CLDN10: variants seen among roughly 807,000 people sequenced by gnomAD.
The protein encoded by CLDN10 is claudin-10.
In CLDN10, 15 loss-of-function variants were observed where a neutral mutation model predicts 22.9. The observed-to-expected ratio is 0.65, with a 90% CI of 0.44 to 1.01. The LOEUF (loss-of-function observed/expected upper bound fraction) is 1.01. Ranked by LOEUF, CLDN10 falls within the 50% of genes least tolerant of loss-of-function variation. CLDN10 has a pLI of 0.00. For synonymous variants in CLDN10, 114 were observed against 111.4 expected, an observed-to-expected ratio of 1.02 and a Z score of -0.15; for missense variants, 247 against 287.8, an observed-to-expected ratio of 0.86 and a Z score of 1.03.
At chr13:95,463,901 C>T (rs570429935) in intron 1 of CLDN10, among the ~76,000 whole-genome samples, 1 of 152,040 alleles carries the variant, frequency 6.6e-6, no homozygotes, top group Non-Finnish European at 1.5e-5. Flanking sequence ...AAATACACAG[C>T]TGCTGAAATT....
intron 1 of CLDN10, among the ~76,000 whole-genome samples, chr13:95,506,939 T>C (rs1226761896): frequency 1.3e-5 from 2 of 152,076 alleles, no homozygotes; most frequent in South Asian, 2.1e-4. Flanking sequence ...CCACGAGGAA[T>C]TGGGGCCGGG....
At chr13:95,572,485 A>G (rs1253451774) in intron 3 of CLDN10, among the ~76,000 whole-genome samples, 1 of 152,100 alleles carries the variant, frequency 6.6e-6, no homozygotes, top group African/African-American at 2.4e-5. Context: ...AGTAATACCT[A>G]TCTCCCAGGC....
chr13:95,546,990 G>A (rs1056295278), intron 1 of CLDN10, among the ~76,000 whole-genome samples: 1 of 150,284 alleles, frequency 6.7e-6, no homozygotes, highest in Non-Finnish European at 1.5e-5. Flanking sequence ...AGGCAGGCTG[G>A]TCTTGAACTC....
chr13:95,576,057 G>A (rs534257907), intron 3 of CLDN10, among the ~76,000 whole-genome samples: 1 of 152,270 alleles, frequency 6.6e-6, no homozygotes, highest in African/African-American at 2.4e-5. Flanking sequence ...CAGAAAGCCT[G>A]CCCATGTGCA....
chr13:95,537,350 A>G (rs368846388), intron 1 of CLDN10, among the ~76,000 whole-genome samples: 81 of 152,280 alleles, frequency 5.3e-4, no homozygotes, highest in African/African-American at 1.7e-3. Flanking sequence ...AATACCCAGT[A>G]TGCACGGCTC....
intron 1 of CLDN10, among the ~76,000 whole-genome samples, chr13:95,505,957 C>A (rs144605576): frequency 0.016 from 2,483 of 152,210 alleles, 65 homozygotes; most frequent in African/African-American, 0.056. Context: ...CCAGGCTGGT[C>A]TTGAACTCCT....
At chr13:95,514,386 C>T (rs1379573193) in intron 1 of CLDN10, among the ~76,000 whole-genome samples, 1 of 151,914 alleles carries the variant, frequency 6.6e-6, no homozygotes, top group African/African-American at 2.4e-5. Context: ...GGGATTCCCC[C>T]ACCTACCCCA....
chr13:95,577,163 A>C, intron 3 of CLDN10, 68 bp from the exon 4 acceptor site: 2 of 977,260 alleles, frequency 2.0e-6, no homozygotes, highest in East Asian at 4.8e-5. Context: ...AATGTTGACT[A>C]TCAGTGTTAA....
chr13:95,454,324 T>C (rs1594529570), intron 1 of CLDN10, among the ~76,000 whole-genome samples: 1 of 152,086 alleles, frequency 6.6e-6, no homozygotes, highest in Non-Finnish European at 1.5e-5. Flanking sequence ...GCCTGTAATC[T>C]CAGCTACTTG....
intron 1 of CLDN10, among the ~76,000 whole-genome samples, chr13:95,543,380 C>T (rs1035222759): frequency 1.3e-5 from 2 of 152,108 alleles, no homozygotes; most frequent in East Asian, 3.9e-4. Flanking sequence ...TAGGGCTTAG[C>T]TTGATTTTCC....
chr13:95,511,411 T>G (rs887674215), intron 1 of CLDN10, among the ~76,000 whole-genome samples: 2 of 151,820 alleles, frequency 1.3e-5, no homozygotes, highest in Non-Finnish European at 2.9e-5. Context: ...AAGGAAGACT[T>G]TCAAACCTAT....
chr13:95,575,269 G>T (rs537877408), intron 3 of CLDN10, among the ~76,000 whole-genome samples: 1 of 152,332 alleles, frequency 6.6e-6, no homozygotes, highest in Admixed American at 6.5e-5. Context: ...TGTACTTCAT[G>T]CAGAATTTTT....
intron 1 of CLDN10, among the ~76,000 whole-genome samples, chr13:95,473,840 G>A (rs1450273484): frequency 6.6e-6 from 1 of 152,208 alleles, no homozygotes; most frequent in Admixed American, 6.5e-5. Context: ...CCGCCAGGCT[G>A]TTAAGCTTCG....
At chr13:95,521,809 A>G (rs2043226708) in intron 1 of CLDN10, among the ~76,000 whole-genome samples, 1 of 152,078 alleles carries the variant, frequency 6.6e-6, no homozygotes, top group African/African-American at 2.4e-5. Flanking sequence ...TTTTTAATGG[A>G]AAAGATTTAA....
intron 1 of CLDN10, among the ~76,000 whole-genome samples, chr13:95,529,108 T>C (rs537543168): frequency 6.7e-6 from 1 of 150,086 alleles, no homozygotes; most frequent in African/African-American, 2.4e-5. Context: ...ATGTCTAGTA[T>C]TTTTTTTTTA....
intron 1 of CLDN10, among the ~76,000 whole-genome samples, chr13:95,517,693 T>C (rs1015105973): frequency 6.6e-6 from 1 of 152,044 alleles, no homozygotes; most frequent in African/African-American, 2.4e-5. Flanking sequence ...CCCAGCACTT[T>C]GGGAGGCTGA....
intron 1 of CLDN10, among the ~76,000 whole-genome samples, chr13:95,480,206 TA>T (rs1423612901): frequency 2.6e-5 from 4 of 152,084 alleles, no homozygotes; most frequent in African/African-American, 4.8e-5. Flanking sequence ...ATGATTCAAT[TA>T]CCTCCCACCG....
intron 1 of CLDN10, among the ~76,000 whole-genome samples, chr13:95,487,800 G>A (rs901582262): frequency 6.6e-5 from 10 of 150,800 alleles, no homozygotes; most frequent in African/African-American, 2.4e-4. Flanking sequence ...TCAGCTTCCC[G>A]AGTATCTAGG....
chr13:95,577,810 A>C (rs2043956954), intron 4 of CLDN10, 90 bp from the exon 5 acceptor site: 1 of 715,804 alleles, frequency 1.4e-6, no homozygotes, highest in Non-Finnish European at 2.4e-6. Flanking sequence ...ACATTTAGAT[A>C]TTGGCAGAGA....
Sources: allele counts gnomAD v4.1 joint callset (sites outside exome capture counted in the v4.1 genomes callset), GRCh38; gene constraint gnomAD v4.1.1; transcripts MANE v1.5; gene names NCBI Gene and HGNC (gene_info 2026-07-23, HGNC 2026-07-21).